Variants in PIWIL3 observed in about 807,000 individuals in gnomAD.
PIWIL3 encodes the protein piwi like RNA-mediated gene silencing 3, also known as piwi-like protein 3.
PIWIL3 carries 101 observed loss-of-function variants against 109.7 expected under a neutral mutation model. That is an observed-to-expected ratio of 0.92 (90% CI 0.78 to 1.09). The LOEUF is 1.09. Ranked by LOEUF, PIWIL3 falls within the 50% of genes least tolerant of loss-of-function variation. The probability of loss-of-function intolerance (pLI) is 0.00; values close to 1 mark genes in which losing one functional copy is unlikely to be tolerated. For missense variants in PIWIL3, 1,031 were observed against 1,072.6 expected (o/e 0.96, Z 0.54); for synonymous variants, 373 against 376.4 (o/e 0.99, Z 0.10).
rs1438445165 is a variant in PIWIL3, at chr22:24,774,533, C to A, written c.-234G>T. ...CCCTTTAAAAACCGCTTTGGCCGGG[C>A]GCGGTGGCTCACGCCTGTAATCCCA... On this transcript the variant is annotated 5_prime_UTR_variant, in exon 1 of 21. Transcript: ENST00000616349. 1.3e-5 allele frequency: 2 copies of A among 152,748 alleles called. No individual in the cohort carries two copies. Among genetic ancestry groups the A allele is most frequent in the Non-Finnish European group, 2.9e-5 (2 of 68,526 alleles). The allele number at this position is 152,748 out of a possible 1,614,324, so 9.5% of individuals were successfully genotyped here. A position where few individuals can be genotyped will look rare whatever the true frequency, so the allele number is the denominator to read the frequency against.
At chr22:24,731,477 C>T (rs571320833) in intron 14 of PIWIL3, among the ~76,000 whole-genome samples, 19 of 151,848 alleles carry the variant, frequency 1.3e-4, no homozygotes, top group African/African-American at 4.6e-4. Context: ...ACAGTGAAAC[C>T]CTTTGTCTAC....
chr22:24,752,878 G>A (rs2147701399), intron 8 of PIWIL3, among the ~76,000 whole-genome samples: 1 of 152,264 alleles, frequency 6.6e-6, no homozygotes, highest in East Asian at 1.9e-4. Flanking sequence ...GGTGTGAAAT[G>A]ATATCTCATT....
intron 3 of PIWIL3, among the ~76,000 whole-genome samples, chr22:24,759,210 T>C (rs1925269522): frequency 6.6e-6 from 1 of 152,372 alleles, no homozygotes; most frequent in Non-Finnish European, 1.5e-5. Context: ...TACTATTTAA[T>C]AACAACCCTT....
intron 12 of PIWIL3, among the ~76,000 whole-genome samples, chr22:24,743,589 A>G (rs1050865647): frequency 1.3e-5 from 2 of 152,234 alleles, no homozygotes; most frequent in Non-Finnish European, 2.9e-5. Context: ...AAACATTGTT[A>G]TCTTCTCACT....
intron 13 of PIWIL3, among the ~76,000 whole-genome samples, chr22:24,734,795 G>C (rs1923559492): frequency 6.6e-6 from 1 of 150,482 alleles, no homozygotes; most frequent in Admixed American, 6.6e-5. Context: ...CTGCCCTCAG[G>C]AGAAGCTAGT....
chr22:24,735,957 G>C (rs1923633007), intron 12 of PIWIL3, 65 bp from the exon 13 acceptor site: 1 of 1,322,814 alleles, frequency 7.6e-7, no homozygotes, highest in Non-Finnish European at 1.0e-6. Flanking sequence ...CTGAGATCCT[G>C]TACGCTGTAA....
intron 12 of PIWIL3, among the ~76,000 whole-genome samples, chr22:24,739,312 C>T (rs987602313): frequency 1.3e-5 from 2 of 152,074 alleles, no homozygotes; most frequent in East Asian, 1.9e-4. Context: ...AGCAGAACTT[C>T]CCAAACCTAA....
intron 12 of PIWIL3, among the ~76,000 whole-genome samples, chr22:24,747,862 G>A (rs2147691643): frequency 6.6e-6 from 1 of 152,216 alleles, no homozygotes; most frequent in African/African-American, 2.4e-5. Context: ...CCACTATGGA[G>A]AACAGTTTGG....
intron 20 of PIWIL3, 36 bp downstream of exon 20, chr22:24,719,712 A>C: frequency 6.3e-7 from 1 of 1,585,266 alleles, no homozygotes. Flanking sequence ...AGTACATTTA[A>C]AAAATCTGAA....
chr22:24,726,856 C>G (rs151092663), intron 16 of PIWIL3, among the ~76,000 whole-genome samples: 43 of 152,234 alleles, frequency 2.8e-4, no homozygotes, highest in African/African-American at 9.9e-4. Flanking sequence ...TAGTGGGCCA[C>G]AATCATTATT....
Position 24,751,441 on chromosome 22 carries a change from G to C in PIWIL3, c.1035C>G (p.Asp345Glu). The C allele has an allele frequency of 1.2e-6, 2 of 1,613,912 alleles. No homozygotes were observed. The highest frequency in any genetic ancestry group is 1.7e-6 in the Non-Finnish European group (2 of 1,179,968). ...DDIDWKQNPE[D>E]TFNKSDGSKI... Reference sequence around the variant, plus strand: ...TGCTGCCATCTGATTTGTTAAATGTGTCTTCAGGATTCTGCTTCCAATCAA... The same window carrying C: ...TGCTGCCATCTGATTTGTTAAATGTCTCTTCAGGATTCTGCTTCCAATCAA... Residue 345 changes from aspartate (D) to glutamate (E), a missense_variant, in exon 9 of 21, where the codon GAC becomes GAG. Transcript: ENST00000616349.
chr22:24,758,174 G>GTGTT, intron 3 of PIWIL3, 135 bp from the exon 4 acceptor site: 1 of 1,092,842 alleles, frequency 9.2e-7, no homozygotes, highest in Non-Finnish European at 1.3e-6. Context: ...TCCGTGATAT[G>GTGTT]TTGCCGCAAA....
intron 12 of PIWIL3, among the ~76,000 whole-genome samples, chr22:24,738,946 T>A (rs1162655251): frequency 6.6e-6 from 1 of 152,030 alleles, no homozygotes; most frequent in Non-Finnish European, 1.5e-5. Flanking sequence ...AATAGCTATT[T>A]AAGAGGAAAC....
chr22:24,725,457 T>A lies in PIWIL3; in HGVS notation c.2068A>T (p.Ile690Phe), dbSNP rs530278958. 1.2e-6 allele frequency: 2 copies of A among 1,613,964 alleles called. No homozygotes were observed. The highest frequency in any genetic ancestry group is 2.2e-5 in the South Asian group (2 of 91,084). The stretch of plus-strand genomic sequence containing the variant: ...ACAAGACACTGACCTTTCAAGCAGA[T>A]CTCCAGCTCTTTCACAAGCTCTTCT... ...TGEELVKELE[I>F]CLKAALDVWC... Residue 690 changes from isoleucine to phenylalanine, a missense_variant, in exon 17 of 21, where the codon ATC becomes TTC. Coordinates refer to ENST00000616349, the MANE Select transcript of PIWIL3 (RefSeq NM_001255975.1).
At chr22:24,733,349 C>G (rs1358876847) in intron 14 of PIWIL3, among the ~76,000 whole-genome samples, 1 of 151,706 alleles carries the variant, frequency 6.6e-6, no homozygotes, top group African/African-American at 2.4e-5. Context: ...ACAACTTGGT[C>G]TAAGACACCA....
At chr22:24,744,391 T>C (rs1924230610) in intron 12 of PIWIL3, among the ~76,000 whole-genome samples, 1 of 151,498 alleles carries the variant, frequency 6.6e-6, no homozygotes, top group African/African-American at 2.4e-5. Flanking sequence ...ACCAACATGG[T>C]GAAACCTGTC....
At chr22:24,727,479 G>GGTC (rs1923065862) in intron 16 of PIWIL3, among the ~76,000 whole-genome samples, 1 of 152,062 alleles carries the variant, frequency 6.6e-6, no homozygotes, top group Non-Finnish European at 1.5e-5. Flanking sequence ...TGCAGCTGAC[G>GGTC]GTCAACAACA....
intron 17 of PIWIL3, among the ~76,000 whole-genome samples, 193 bp from the exon 18 acceptor site, chr22:24,725,230 G>A (rs1050286252): frequency 4.3e-4 from 65 of 152,180 alleles, no homozygotes; most frequent in African/African-American, 1.4e-3. Context: ...TGTGGTGGAG[G>A]TGGTGGAGGT....
chr22:24,724,959 C>T lies in PIWIL3; in HGVS notation c.2159G>A (p.Gly720Asp), dbSNP rs1332838899. 1.9e-5 allele frequency: 30 copies of T among 1,614,072 alleles called. No individual in the cohort carries two copies. The highest frequency in any genetic ancestry group is 2.5e-5 in the Non-Finnish European group (30 of 1,180,034). The change falls in exon 18 of 21, where the codon GGT becomes GAT. Residue 720 changes from glycine (G) to aspartate (D), a missense_variant. Physicochemically the swap from Gly to Asp is moderately conservative, Grantham distance 94. Coordinates refer to ENST00000616349, the MANE Select transcript of PIWIL3 (RefSeq NM_001255975.1). ...VIVYRDGVGD[G>D]QLQALLDHEA... ...ATGGTCAAGCAATGCTTGAAGCTGA[C>T]CATCTCCCACTCCATCCCGATACAC...
Sources: gnomAD v4.1 joint callset for allele counts (sites outside exome capture counted in the v4.1 genomes callset) on GRCh38, gnomAD v4.1.1 for gene constraint, MANE v1.5 for transcripts, NCBI Gene and HGNC (gene_info 2026-07-23, HGNC 2026-07-21) for gene names.